The following BICRA variants were observed in gnomAD, a reference collection of about 807,000 sequenced individuals.
BICRA encodes the protein BRD4-interacting chromatin-remodeling complex-associated protein.
Under a neutral mutation model 96.9 loss-of-function variants are expected in BICRA, and 31 were observed. That is an observed-to-expected ratio of 0.32 (90% CI 0.24 to 0.43). The LOEUF is 0.43. Among genes scored for constraint, BICRA ranks in the 20% least tolerant of loss-of-function variants. BICRA has a pLI of 1.00. For synonymous variants in BICRA, 1,350 were observed against 1,071.8 expected, an observed-to-expected ratio of 1.26 and a Z score of -5.07; for missense variants, 2,283 against 2,190.3, an observed-to-expected ratio of 1.04 and a Z score of -0.84.
intron 11 of BICRA, among the ~76,000 whole-genome samples, chr19:47,697,012 G>GT (rs576866844): frequency 6.4e-4 from 6 of 9,418 alleles, no homozygotes; most frequent in Non-Finnish European, 1.5e-3. Flanking sequence ...TTTTGTTTTA[G>GT]GGGGGGTTCT....
chr19:47,614,075 GTTGGATTAGCCGC>G (rs1392645697), intron 1 of BICRA, among the ~76,000 whole-genome samples: 1 of 151,982 alleles, frequency 6.6e-6, no homozygotes, highest in Non-Finnish European at 1.5e-5. Context: ...AGAGAGAACG[GTTGGATTAGCCGC>G]TGTGGGGTTT....
rs1021969162 is a variant in BICRA at position 47,698,848 on chromosome 19, G to A, written c.3397+66G>A. ...ACCCCAGCCCGTGGGGCGGGGCGTC[G>A]CCAGTGTGGAGCCGCAGGTCCACGG... On this transcript the variant is annotated intron_variant, in intron 12 of 14. Transcript: ENST00000594866. This position sits in a 1 kb window ranked among gnomAD's most constrained non-coding sequence, Gnocchi z 4.8. The A allele has an allele frequency of 2.1e-6, 3 of 1,427,196 alleles. No homozygotes were observed. Among genetic ancestry groups the A allele is most frequent in the Non-Finnish European group, 2.9e-6 (3 of 1,035,298 alleles). 88.4% of individuals were successfully genotyped at this position (1,427,196 alleles called of 1,614,324 possible).
intron 1 of BICRA, 129 bp downstream of exon 1, chr19:47,609,297 A>C: frequency 7.2e-6 from 1 of 138,566 alleles, no homozygotes; most frequent in Admixed American, 7.3e-5. Context: ...GTGTGGGGGG[A>C]GCCGGAGCCG....
In BICRA at chr19:47,658,357, TACAAGA is replaced by T. The variant is rs1342556096; in HGVS notation, c.-107-12077_-107-12072del. 8.5e-5 allele frequency among the ~76,000 whole-genome samples: 13 copies of T among 152,058 alleles called. No individual in the cohort carries two copies. The South Asian group carries it at 2.7e-3, about 32-fold the overall frequency. On this transcript the variant is annotated intron_variant, in intron 1 of 14. Transcript: ENST00000594866. ...CCAGGAACTGGTGGCTTGTGTTTGA[TACAAGA>T]ACAAGAACCCCAGAAGGAAAACTAA...
Position 47,702,279 on chromosome 19 carries a change from G to T in BICRA, c.4547G>T (p.Gly1516Val). 6.3e-7 allele frequency: 1 copy of T among 1,595,240 alleles called. No homozygotes were observed. Reference protein sequence around the residue: ...DSILNLQQAPGRTPAPSYPHA... With the variant: ...DSILNLQQAPVRTPAPSYPHA... ...ATCCTGAACCTGCAGCAGGCCCCCG[G>T]CCGGACGCCCGCGCCCTCGTACCCC... Residue 1516 changes from glycine to valine, a missense_variant, in exon 15 of 15, where the codon GGC (glycine) becomes GTC (valine). Gly to Val is a moderately radical substitution (Grantham distance 109). Transcript: ENST00000594866.
intron 1 of BICRA, among the ~76,000 whole-genome samples, chr19:47,628,092 ATATGT>A (rs1267340269): frequency 6.6e-6 from 1 of 152,054 alleles, no homozygotes; most frequent in East Asian, 1.9e-4. Context: ...AATTGGGATG[ATATGT>A]TGTGGAGTGA....
At chr19:47,609,553 A>G (rs1971864611) in intron 1 of BICRA, among the ~76,000 whole-genome samples, 1 of 150,812 alleles carries the variant, frequency 6.6e-6, no homozygotes, top group Non-Finnish European at 1.5e-5. Flanking sequence ...TGCCGGGGAT[A>G]CAATGGAGCG....
intron 1 of BICRA, among the ~76,000 whole-genome samples, chr19:47,633,331 T>G (rs908554183): frequency 2.6e-5 from 4 of 152,020 alleles, no homozygotes; most frequent in African/African-American, 9.7e-5. Flanking sequence ...CCGCCTGCCT[T>G]GGCCTCCCAA....
At chr19:47,688,799 A>G (rs1973196653) in intron 7 of BICRA, among the ~76,000 whole-genome samples, 1 of 152,252 alleles carries the variant, frequency 6.6e-6, no homozygotes, top group Admixed American at 6.5e-5. Flanking sequence ...TCTCAAAAAA[A>G]AAAAATTTTT....
intron 14 of BICRA, chr19:47,700,669 C>T (rs1973426073): frequency 6.6e-6 from 1 of 152,168 alleles, no homozygotes; most frequent in African/African-American, 2.4e-5. Context: ...TGTCTGGCAC[C>T]TATAATCCCA....
At chr19:47,628,728 C>T (rs1972176294) in intron 1 of BICRA, among the ~76,000 whole-genome samples, 1 of 152,008 alleles carries the variant, frequency 6.6e-6, no homozygotes, top group African/African-American at 2.4e-5. Flanking sequence ...CCTCAGCCTC[C>T]TGAGTAGCTG....
intron 1 of BICRA, among the ~76,000 whole-genome samples, chr19:47,652,947 T>C (rs1972561045): frequency 6.6e-6 from 1 of 152,034 alleles, no homozygotes; most frequent in Non-Finnish European, 1.5e-5. Flanking sequence ...CCCTTCTACA[T>C]TTTACTTTTC....
At chr19:47,685,788 C>CGCGCGT (rs1555790141) in intron 7 of BICRA, among the ~76,000 whole-genome samples, 48 of 80,432 alleles carry the variant, frequency 6.0e-4, no homozygotes, top group African/African-American at 2.0e-3. Context: ...TGTGTGTGTG[C>CGCGCGT]GCGCGCGCGC....
chr19:47,615,074 C>T (rs538643209), intron 1 of BICRA, among the ~76,000 whole-genome samples: 19 of 152,298 alleles, frequency 1.2e-4, no homozygotes, highest in African/African-American at 4.3e-4. Flanking sequence ...CATTATCCTT[C>T]CTGGGCTCAA....
rs978342688 is a variant in BICRA at position 47,702,594 on chromosome 19, G to A, written c.*179G>A. 1 of 707,258 alleles carries A rather than the reference G, an allele frequency of 1.4e-6. No homozygotes were observed. The highest frequency in any genetic ancestry group is 2.1e-6 in the Non-Finnish European group (1 of 465,416). The allele number at this position is 707,258 out of a possible 1,614,324, so 43.8% of individuals were successfully genotyped here. A position where few individuals can be genotyped will look rare whatever the true frequency, so the allele number is the denominator to read the frequency against. On this transcript the variant is annotated 3_prime_UTR_variant, in exon 15 of 15. Transcript: ENST00000594866. Reference sequence around the variant, plus strand: ...CCTGCTTCAGCTGGGTTGCTGGGGGGTGGGCGTGGATTTAGGGAGGGGGCT... The same window carrying A: ...CCTGCTTCAGCTGGGTTGCTGGGGGATGGGCGTGGATTTAGGGAGGGGGCT...
rs753398124 is a variant in BICRA at position 47,701,729 on chromosome 19, C to T, written c.3997C>T (p.Pro1333Ser). The change falls in exon 15 of 15, where the codon CCC (proline) becomes TCC (serine). Residue 1333 changes from proline (P) to serine (S), a missense_variant. Pro to Ser is a moderately conservative substitution (Grantham distance 74). Transcript: ENST00000594866. The surrounding 1 kb of genome is among the most constrained non-coding windows in gnomAD (Gnocchi z 5.4). ...CACGGCCCTGGACCCCGTGCACCAG[C>T]CCCCGCCACCCCCCGCTACCCTCAA... ...HNTALDPVHQ[P>S]PPPPATLKVA... is the part of the protein sequence containing the mutation. 23 of 1,563,082 alleles carry T rather than the reference C, an allele frequency of 1.5e-5. No individual in the cohort carries two copies. Among genetic ancestry groups the T allele is most frequent in the Non-Finnish European group, 1.7e-5 (20 of 1,152,714 alleles).
At chr19:47,645,657 T>G (rs1972448961) in intron 1 of BICRA, among the ~76,000 whole-genome samples, 1 of 152,172 alleles carries the variant, frequency 6.6e-6, no homozygotes, top group South Asian at 2.1e-4. Flanking sequence ...AACACAAAAG[T>G]AGCTTGTAAT....
At chr19:47,696,830 T>G (rs1050783133) in intron 11 of BICRA, among the ~76,000 whole-genome samples, 11 of 146,226 alleles carry the variant, frequency 7.5e-5, no homozygotes, top group Non-Finnish European at 1.6e-4. Context: ...TGAGCCCCAC[T>G]GGGTGGGTGA....
At position 47,694,512 on chromosome 19, in the gene BICRA, C is replaced by T. The variant is rs202120030; in HGVS notation, c.2681C>T (p.Thr894Met). 4.2e-5 allele frequency: 68 copies of T among 1,600,686 alleles called. No homozygotes were observed. In the African/African-American group the frequency reaches 7.6e-4, roughly 18 times the overall value. Residue 894 changes from threonine (T) to methionine (M), a missense_variant, in exon 8 of 15, where the codon ACG (threonine) becomes ATG (methionine). Coordinates refer to ENST00000594866, the MANE Select transcript of BICRA (RefSeq NM_001394372.1). ...TSSAVASSSE[T>M]SSRLPAPTPS... is the part of the protein sequence containing the mutation. ...TCTGCTGTGGCCTCCTCCTCTGAGA[C>T]GTCCTCCAGGTTGCCAGCCCCTACG...
Sources: gnomAD v4.1 joint callset for allele counts (sites outside exome capture counted in the v4.1 genomes callset) on GRCh38, gnomAD v4.1.1 for gene constraint, Gnocchi (gnomAD v3.1) non-coding constraint, MANE v1.5 for transcripts, NCBI Gene and HGNC (gene_info 2026-07-23, HGNC 2026-07-21) for gene names.